The following COL10A1 variants were observed in gnomAD, a reference collection of about 807,000 sequenced individuals.
The protein encoded by COL10A1 is collagen type X alpha 1 chain.
COL10A1 carries 10 observed loss-of-function variants against 18.2 expected under a neutral mutation model. That is an observed-to-expected ratio of 0.55 (90% confidence interval 0.34 to 0.93). The LOEUF (loss-of-function observed/expected upper bound fraction) is 0.93, where lower values mean the gene tolerates loss of function less well. Ranked by LOEUF, COL10A1 falls within the 40% of genes least tolerant of loss-of-function variation. The pLI is 0.02. For missense variants in COL10A1, 897 were observed against 853.5 expected (o/e 1.05, Z -0.64); for synonymous variants, 330 against 316.6 (o/e 1.04, Z -0.45).
chr6:116,121,923 G>GT lies in COL10A1; in HGVS notation c.192dup (p.Pro65ThrfsTer137). On this transcript the variant is annotated frameshift_variant, in exon 3 of 3. Coordinates refer to ENST00000651968, the MANE Select transcript of COL10A1 (RefSeq NM_000493.4). LOFTEE classifies it low-confidence loss of function (END_TRUNC). ...TGCCCTCGAGGTCCAGCAGGGCCTG[G>GT]TGGACCAGGAGTACCTTGCTCTCCT... 1 of 1,613,690 alleles carries GT rather than the reference G, an allele frequency of 6.2e-7. No individual in the cohort carries two copies. Among genetic ancestry groups the GT allele is most frequent in the African/African-American group, 1.3e-5 (1 of 74,984 alleles).
chr6:116,200,315 G>A, the COL10A1 span, among the ~76,000 whole-genome samples: 1 of 151,952 alleles, frequency 6.6e-6, no homozygotes, highest in Non-Finnish European at 1.5e-5. Flanking sequence ...ACCAGTAAAC[G>A]TAATATGGTA....
At chr6:116,156,421 A>G (rs1288101559) in intron 1 of COL10A1, among the ~76,000 whole-genome samples, 1 of 152,208 alleles carries the variant, frequency 6.6e-6, no homozygotes, top group Non-Finnish European at 1.5e-5. Context: ...AATGTGTTCC[A>G]TTATCTTTGC....
intron 2 of COL10A1, among the ~76,000 whole-genome samples, chr6:116,123,589 G>A (rs1442793652): frequency 2.0e-5 from 3 of 152,290 alleles, no homozygotes; most frequent in Middle Eastern, 6.8e-3. Flanking sequence ...TGTGTTGGAT[G>A]GATATGCCTA....
the COL10A1 span, among the ~76,000 whole-genome samples, chr6:116,182,670 C>A: frequency 1.5e-3 from 224 of 151,946 alleles, 2 homozygotes; most frequent in Non-Finnish European, 1.3e-4. Flanking sequence ...GTTTGTTGTC[C>A]ATTTGTATAT....
chr6:116,141,578 A>G (rs1779764463), intron 1 of COL10A1, among the ~76,000 whole-genome samples: 1 of 151,966 alleles, frequency 6.6e-6, no homozygotes, highest in East Asian at 1.9e-4. Flanking sequence ...ATTTTTTTTG[A>G]TGACCTTCCT....
Position 116,120,788 on chromosome 6 carries a change from C to T in COL10A1, c.1328G>A (p.Gly443Asp), listed in dbSNP as rs539549311. ...PGHNGEAGPR[G>D]APGIPGTRGP... ...TCTAGTACCTGGTATTCCAGGGGCA[C>T]CTCTTGGGCCAGCCTCTCCATTGTG... Residue 443 changes from glycine (G) to aspartate (D), a missense_variant, in exon 3 of 3, where the codon GGT (glycine) becomes GAT (aspartate). Gly to Asp is a moderately conservative substitution (Grantham distance 94). Coordinates refer to ENST00000651968, the MANE Select transcript of COL10A1 (RefSeq NM_000493.4). 8.1e-6 allele frequency: 13 copies of T among 1,613,546 alleles called. No homozygotes were observed. The East Asian group carries it at 8.9e-5, about 11-fold the overall frequency.
At chr6:116,164,260 G>A in the COL10A1 span, among the ~76,000 whole-genome samples, 1 of 152,044 alleles carries the variant, frequency 6.6e-6, no homozygotes, top group African/African-American at 2.4e-5. Context: ...TATAAATCTG[G>A]GTGCTCTGGT....
the COL10A1 span, among the ~76,000 whole-genome samples, chr6:116,187,932 A>C: frequency 1.3e-5 from 2 of 152,198 alleles, no homozygotes; most frequent in South Asian, 4.1e-4. Context: ...ATAGAAGAGA[A>C]GATATTTGGA....
At chr6:116,133,828 T>G (rs1421266365) in intron 1 of COL10A1, among the ~76,000 whole-genome samples, 1 of 152,198 alleles carries the variant, frequency 6.6e-6, no homozygotes, top group Admixed American at 6.5e-5. Flanking sequence ...TTTGCCTGCT[T>G]TCTTTCATAT....
chr6:116,120,866 G>C lies in COL10A1; in HGVS notation c.1250C>G (p.Pro417Arg). 2 of 1,613,844 alleles carry C rather than the reference G, an allele frequency of 1.2e-6. No homozygotes were observed. The highest frequency in any genetic ancestry group is 1.7e-6 in the Non-Finnish European group (2 of 1,179,890). The change falls in exon 3 of 3, where the codon CCT becomes CGT. Residue 417 changes from proline to arginine, a missense_variant. Transcript: ENST00000651968. ...GPKGDPGVGGPPGLPGPVGPA... is the reference protein window; with the variant it reads ...GPKGDPGVGGRPGLPGPVGPA... ...GCCCACAGGGCCTGGGAGACCAGGAGGTCCTCCAACTCCAGGATCACCTTT... is the reference window on the plus strand; with the variant it reads ...GCCCACAGGGCCTGGGAGACCAGGACGTCCTCCAACTCCAGGATCACCTTT...
At chr6:116,213,001 A>T in the COL10A1 span, among the ~76,000 whole-genome samples, 6 of 152,192 alleles carry the variant, frequency 3.9e-5, no homozygotes, top group African/African-American at 1.4e-4. Context: ...CTTTTATTTC[A>T]TCTGTTTCTA....
the COL10A1 span, among the ~76,000 whole-genome samples, chr6:116,164,121 G>A: frequency 1.3e-5 from 2 of 152,120 alleles, no homozygotes; most frequent in African/African-American, 2.4e-5. Flanking sequence ...GGCAGAGCCC[G>A]TTTTAAGTCA....
At chr6:116,153,114 T>C (rs981126524) in intron 1 of COL10A1, among the ~76,000 whole-genome samples, 2 of 151,886 alleles carry the variant, frequency 1.3e-5, no homozygotes, top group African/African-American at 4.8e-5. Context: ...TATAAAAATA[T>C]ATACACAAAT....
the COL10A1 span, among the ~76,000 whole-genome samples, chr6:116,213,558 A>T: frequency 6.6e-6 from 1 of 151,992 alleles, no homozygotes; most frequent in Non-Finnish European, 1.5e-5. Flanking sequence ...ATTAACTCCA[A>T]CTCTAGACAT....
chr6:116,200,724 G>A, the COL10A1 span, among the ~76,000 whole-genome samples: 21 of 151,970 alleles, frequency 1.4e-4, no homozygotes, highest in Admixed American at 9.2e-4. Flanking sequence ...TGTCCTTATG[G>A]ATCGTACTTC....
At chr6:116,138,400 G>T (rs1779676252) in intron 1 of COL10A1, among the ~76,000 whole-genome samples, 2 of 152,146 alleles carry the variant, frequency 1.3e-5, no homozygotes, top group Admixed American at 1.3e-4. Flanking sequence ...GTTAAGATTT[G>T]TGTGAAAGTG....
chr6:116,143,332 T>C (rs1173581581), intron 1 of COL10A1, among the ~76,000 whole-genome samples: 1 of 152,114 alleles, frequency 6.6e-6, no homozygotes, highest in African/African-American at 2.4e-5. Context: ...TGCCTCAACC[T>C]CTCAAGTAGC....
upstream of COL10A1, among the ~76,000 whole-genome samples, chr6:116,159,986 A>G (rs1562144209): frequency 6.6e-6 from 1 of 152,198 alleles, no homozygotes; most frequent in South Asian, 2.1e-4. Flanking sequence ...CAGTGTATAC[A>G]TACCACATTT....
chr6:116,204,514 A>G, the COL10A1 span, among the ~76,000 whole-genome samples: 1 of 152,002 alleles, frequency 6.6e-6, no homozygotes, highest in African/African-American at 2.4e-5. Context: ...TATGCTGCTA[A>G]CAATGTTAAA....
Sources: allele counts gnomAD v4.1 joint callset (sites outside exome capture counted in the v4.1 genomes callset), GRCh38; gene constraint gnomAD v4.1.1; transcripts MANE v1.5; gene names NCBI Gene and HGNC (gene_info 2026-07-23, HGNC 2026-07-21).